Variants in MARCHF3 observed in about 807,000 individuals in gnomAD.
The protein encoded by MARCHF3 is E3 ubiquitin-protein ligase MARCHF3.
A neutral mutation model predicts 24.2 loss-of-function variants in MARCHF3; 13 were observed. That is an observed-to-expected ratio of 0.54 (90% confidence interval 0.35 to 0.85). The LOEUF (loss-of-function observed/expected upper bound fraction) is 0.85. MARCHF3 is among the 40% of genes least tolerant of loss of function. MARCHF3 has a pLI of 0.01. For missense variants in MARCHF3, 276 were observed against 325.0 expected, an observed-to-expected ratio of 0.85 and a Z score of 1.16; for synonymous variants, 144 against 137.3, an observed-to-expected ratio of 1.05 and a Z score of -0.34.
intron 1 of MARCHF3, among the ~76,000 whole-genome samples, chr5:126,992,594 T>C (rs755510349): frequency 3.3e-5 from 5 of 152,096 alleles, no homozygotes; most frequent in Non-Finnish European, 7.4e-5. Flanking sequence ...ACGTAGAAAT[T>C]ACGTAGTACG....
At chr5:126,954,199 A>ATTTTTTTTTT (rs750262766) in intron 1 of MARCHF3, among the ~76,000 whole-genome samples, 42 of 114,070 alleles carry the variant, frequency 3.7e-4, no homozygotes, top group African/African-American at 1.1e-3. Flanking sequence ...CGCCCGGCTA[A>ATTTTTTTTTT]TTTTTTTTTT....
intron 1 of MARCHF3, among the ~76,000 whole-genome samples, chr5:126,960,407 C>T (rs1276491049): frequency 1.3e-5 from 2 of 152,074 alleles, no homozygotes; most frequent in African/African-American, 4.8e-5. Flanking sequence ...GAAGAAAACT[C>T]AAAATTGTCG....
chr5:126,998,119 G>C (rs990628495), intron 1 of MARCHF3, among the ~76,000 whole-genome samples: 3 of 151,676 alleles, frequency 2.0e-5, no homozygotes, highest in Non-Finnish European at 4.4e-5. Flanking sequence ...GGGAAATCTT[G>C]GGTCTTGGAG....
intron 1 of MARCHF3, among the ~76,000 whole-genome samples, chr5:127,022,097 G>A (rs1752822659): frequency 6.6e-6 from 1 of 152,196 alleles, no homozygotes; most frequent in Non-Finnish European, 1.5e-5. Flanking sequence ...ATAAGTGAGC[G>A]GGAGGTGGTA....
intron 3 of MARCHF3, among the ~76,000 whole-genome samples, chr5:126,888,621 A>G (rs768703856): frequency 6.6e-6 from 1 of 152,254 alleles, no homozygotes; most frequent in Non-Finnish European, 1.5e-5. Context: ...ATTATGTGGC[A>G]TATCTGATCA....
Position 126,901,172 on chromosome 5 carries a change from A to G in MARCHF3, c.393+13758T>C, listed in dbSNP as rs146988084. The stretch of plus-strand genomic sequence containing the variant: ...AGACATTGAAATAAGATGATTATAT[A>G]AAGTGTATACAAGCACAACATAACT... On this transcript the variant is annotated intron_variant, in intron 3 of 4. Coordinates refer to ENST00000308660, the MANE Select transcript of MARCHF3 (RefSeq NM_178450.5). Among the ~76,000 whole-genome samples, 383 of 152,236 alleles carry G rather than the reference A, an allele frequency of 2.5e-3. 2 individuals carry two copies. Among genetic ancestry groups the G allele is most frequent in the Non-Finnish European group, 4.0e-3 (270 of 68,018 alleles).
In MARCHF3 at chr5:126,869,091, G is replaced by A. The variant is rs929646540; in HGVS notation, c.*1542C>T. On this transcript the variant is annotated 3_prime_UTR_variant, in exon 5 of 5. Transcript: ENST00000308660. ...CCAGGCAGCGCTGGGAGCAGCCAGT[G>A]AATGGAGGGCTCGCCTACAAAGGGG... 3.3e-5 allele frequency: 5 copies of A among 152,182 alleles called. No individual in the cohort carries two copies. Among genetic ancestry groups the A allele is most frequent in the Admixed American group, 2.0e-4 (3 of 15,270 alleles). 9.4% of individuals were successfully genotyped at this position (152,182 alleles called of 1,614,324 possible). A position where few individuals can be genotyped will look rare whatever the true frequency, so the allele number is the denominator to read the frequency against.
rs561572862 is a variant in MARCHF3 at position 126,944,616 on chromosome 5, C to G, written c.-56-26389G>C. On this transcript the variant is annotated intron_variant, in intron 1 of 4. Transcript: ENST00000308660. ...TAATAATAATAATAATCATGATCAT[C>G]ATCATCACCCGCTTTCACACCCTGA... is the stretch of plus-strand genomic sequence containing the variant. Among the ~76,000 whole-genome samples, 17 of 152,258 alleles carry G rather than the reference C, an allele frequency of 1.1e-4. 1 individual carries two copies. The South Asian group carries it at 3.1e-3, about 28-fold the overall frequency.
Position 126,878,445 on chromosome 5 carries a change from G to T in MARCHF3, c.394-51C>A, listed in dbSNP as rs374114827. ...GAGCAAGGGAGAGGGTTAAATGCCA[G>T]TGTGGAGTGGAGACACGCTGTTCTG... On this transcript the variant is annotated intron_variant, in intron 3 of 4. Coordinates refer to ENST00000308660, the MANE Select transcript of MARCHF3 (RefSeq NM_178450.5). The T allele has an allele frequency of 5.5e-5, 84 of 1,535,634 alleles. No individual in the cohort carries two copies. The East Asian group carries it at 8.6e-4, about 16-fold the overall frequency.
At chr5:126,993,684 A>G (rs961992702) in intron 1 of MARCHF3, among the ~76,000 whole-genome samples, 1 of 152,012 alleles carries the variant, frequency 6.6e-6, no homozygotes, top group Non-Finnish European at 1.5e-5. Context: ...TCAGGCAGGG[A>G]AAAAAAAGTG....
intron 1 of MARCHF3, among the ~76,000 whole-genome samples, chr5:126,985,785 A>G (rs990697216): frequency 3.3e-5 from 5 of 152,096 alleles, no homozygotes; most frequent in South Asian, 2.1e-4. Context: ...TACCTGGATG[A>G]ATTTTTAGAG....
intron 3 of MARCHF3, 74 bp from the exon 4 acceptor site, chr5:126,878,468 C>G (rs1753244920): frequency 7.0e-7 from 1 of 1,427,074 alleles, no homozygotes; most frequent in Non-Finnish European, 9.6e-7. Flanking sequence ...ACACGCTGTT[C>G]TGAAGTTATC....
chr5:126,944,519 G>C (rs1294147533), intron 1 of MARCHF3, among the ~76,000 whole-genome samples: 1 of 152,204 alleles, frequency 6.6e-6, no homozygotes, highest in Admixed American at 6.5e-5. Flanking sequence ...GGAAGTTGAG[G>C]CTGCAGTAAG....
At chr5:126,902,105 T>G (rs905830821) in intron 3 of MARCHF3, among the ~76,000 whole-genome samples, 12 of 152,120 alleles carry the variant, frequency 7.9e-5, no homozygotes, top group Non-Finnish European at 1.3e-4. Context: ...TTCTGTTAAC[T>G]TCCTCTTATT....
At chr5:126,957,736 G>A (rs1580681164) in intron 1 of MARCHF3, among the ~76,000 whole-genome samples, 1 of 151,940 alleles carries the variant, frequency 6.6e-6, no homozygotes, top group Non-Finnish European at 1.5e-5. Context: ...AACTGGTAGA[G>A]GAAGATTCCC....
intron 3 of MARCHF3, among the ~76,000 whole-genome samples, chr5:126,891,301 C>T (rs951879662): frequency 6.1e-5 from 9 of 147,452 alleles, no homozygotes; most frequent in African/African-American, 2.2e-4. Flanking sequence ...AATTAGATCC[C>T]ATTTGTCAAT....
At chr5:126,968,607 G>A (rs1033152452) in intron 1 of MARCHF3, among the ~76,000 whole-genome samples, 4 of 152,096 alleles carry the variant, frequency 2.6e-5, no homozygotes, top group South Asian at 2.1e-4. Context: ...GCAGAGTCTC[G>A]CTCTGTTGCC....
chr5:126,947,646 AG>A (rs34689024), intron 1 of MARCHF3, among the ~76,000 whole-genome samples: 1 of 152,206 alleles, frequency 6.6e-6, no homozygotes, highest in East Asian at 1.9e-4. Flanking sequence ...CATGGGGAAG[AG>A]GGGAAGTCTG....
In MARCHF3 at chr5:126,869,606, C is replaced by G. The variant is rs1439192935; in HGVS notation, c.*1027G>C. On this transcript the variant is annotated 3_prime_UTR_variant, in exon 5 of 5. Coordinates refer to ENST00000308660, the MANE Select transcript of MARCHF3 (RefSeq NM_178450.5). ...GCTTTTTTTTTTTTTTTTTTTTTTG[C>G]CACATCTACCTGTCAAGCTAGAAAT... The G allele has an allele frequency of 6.4e-4, 2 of 3,116 alleles. No homozygotes were observed. 0.2% of individuals were successfully genotyped at this position (3,116 alleles called of 1,614,324 possible).
Sources: gnomAD v4.1 joint callset for allele counts (sites outside exome capture counted in the v4.1 genomes callset) on GRCh38, gnomAD v4.1.1 for gene constraint, MANE v1.5 for transcripts, NCBI Gene and HGNC (gene_info 2026-07-23, HGNC 2026-07-21) for gene names.